EBF1: variants seen among roughly 807,000 people sequenced by gnomAD.
EBF1 encodes transcription factor COE1.
Under a neutral mutation model 68.4 loss-of-function variants are expected in EBF1, and 10 were observed. That is an observed-to-expected ratio of 0.15 (90% confidence interval 0.09 to 0.25). The LOEUF is 0.25. Ranked by LOEUF, EBF1 falls within the 10% of genes least tolerant of loss-of-function variation. The probability of loss-of-function intolerance (pLI) is 1.00; values close to 1 mark genes in which losing one functional copy is unlikely to be tolerated. For missense variants in EBF1, 509 were observed against 794.4 expected (o/e 0.64, Z 4.32); for synonymous variants, 298 against 299.8 (o/e 0.99, Z 0.06).
At chr5:158,817,378 G>A (rs978025280) in intron 8 of EBF1, among the ~76,000 whole-genome samples, 6 of 152,136 alleles carry the variant, frequency 3.9e-5, no homozygotes, top group African/African-American at 1.4e-4. Flanking sequence ...GAAGTGATTA[G>A]GTCATGGGGG....
At chr5:159,063,539 A>G (rs1776232280) in intron 6 of EBF1, among the ~76,000 whole-genome samples, 2 of 152,206 alleles carry the variant, frequency 1.3e-5, no homozygotes, top group Non-Finnish European at 2.9e-5. Context: ...GCAGAGATCA[A>G]CCCTGAGACA....
At chr5:159,007,337 T>C (rs1475002388) in intron 6 of EBF1, among the ~76,000 whole-genome samples, 3 of 152,182 alleles carry the variant, frequency 2.0e-5, no homozygotes, top group Non-Finnish European at 2.9e-5. Context: ...AAAATAAACA[T>C]GCTTGAGAAG....
At chr5:158,766,106 G>A (rs894761023) in intron 10 of EBF1, among the ~76,000 whole-genome samples, 1 of 152,184 alleles carries the variant, frequency 6.6e-6, no homozygotes, top group Non-Finnish European at 1.5e-5. Context: ...GCAGAAGTCA[G>A]TCAAGACAAA....
intron 8 of EBF1, among the ~76,000 whole-genome samples, chr5:158,807,670 C>T (rs756781753): frequency 1.3e-5 from 2 of 152,136 alleles, no homozygotes; most frequent in African/African-American, 2.4e-5. Context: ...CTGTCACTGA[C>T]TTACCAAACA....
chr5:158,729,559 T>C (rs1032728886), intron 11 of EBF1, among the ~76,000 whole-genome samples: 8 of 152,208 alleles, frequency 5.3e-5, no homozygotes, highest in Admixed American at 2.6e-4. Context: ...AGGAACCTAA[T>C]GGTAAATCTC....
At chr5:159,051,594 T>G (rs1773762468) in intron 6 of EBF1, among the ~76,000 whole-genome samples, 1 of 151,460 alleles carries the variant, frequency 6.6e-6, no homozygotes, top group Non-Finnish European at 1.5e-5. Flanking sequence ...CCGGCCCGGC[T>G]CGGTGCTCCG....
intron 7 of EBF1, among the ~76,000 whole-genome samples, chr5:158,823,888 C>G (rs1281901900): frequency 6.6e-6 from 1 of 151,890 alleles, no homozygotes; most frequent in East Asian, 1.9e-4. Context: ...TACCATCACC[C>G]CACCCCAAAA....
chr5:158,723,138 G>T (rs1418652348), intron 11 of EBF1, among the ~76,000 whole-genome samples: 3 of 152,162 alleles, frequency 2.0e-5, no homozygotes, highest in Non-Finnish European at 4.4e-5. Flanking sequence ...TGGTACCCAG[G>T]GTTTGTCTGC....
At chr5:158,843,332 T>G (rs530672915) in intron 6 of EBF1, among the ~76,000 whole-genome samples, 9 of 152,300 alleles carry the variant, frequency 5.9e-5, no homozygotes, top group African/African-American at 2.2e-4. Flanking sequence ...AAATGAATTT[T>G]GAAAGACAGG....
intron 8 of EBF1, among the ~76,000 whole-genome samples, chr5:158,818,485 C>A (rs1784191397): frequency 6.6e-6 from 1 of 152,140 alleles, no homozygotes; most frequent in African/African-American, 2.4e-5. Flanking sequence ...TGTGACACTG[C>A]AACCAAAAGG....
chr5:159,011,397 G>A (rs1199303801), intron 6 of EBF1, among the ~76,000 whole-genome samples: 2 of 152,190 alleles, frequency 1.3e-5, no homozygotes, highest in Non-Finnish European at 2.9e-5. Flanking sequence ...TTTGTTAGCT[G>A]GCTGCCGGAA....
chr5:158,996,759 T>C (rs1761494487), intron 6 of EBF1, among the ~76,000 whole-genome samples: 1 of 152,198 alleles, frequency 6.6e-6, no homozygotes, highest in Non-Finnish European at 1.5e-5. Flanking sequence ...CTCAAGCCCA[T>C]TCCTAATAAA....
At chr5:158,874,305 T>C (rs539301523) in intron 6 of EBF1, among the ~76,000 whole-genome samples, 2 of 152,274 alleles carry the variant, frequency 1.3e-5, no homozygotes, top group African/African-American at 2.4e-5. Flanking sequence ...ACAACTATAG[T>C]ATGTTCCTAT....
intron 6 of EBF1, among the ~76,000 whole-genome samples, chr5:158,940,753 T>TCCCCCCCC (rs1561573370): frequency 6.5e-4 from 5 of 7,654 alleles, no homozygotes; most frequent in Non-Finnish European, 9.7e-4. Flanking sequence ...TGCACCCCCT[T>TCCCCCCCC]CACCCCACCG....
At chr5:159,010,607 G>A (rs1393365943) in intron 6 of EBF1, among the ~76,000 whole-genome samples, 1 of 152,144 alleles carries the variant, frequency 6.6e-6, no homozygotes, top group African/African-American at 2.4e-5. Flanking sequence ...CGCCCTTTAA[G>A]AACTGTATTT....
At chr5:159,020,722 C>T (rs895265625) in intron 6 of EBF1, among the ~76,000 whole-genome samples, 2 of 152,170 alleles carry the variant, frequency 1.3e-5, no homozygotes, top group Non-Finnish European at 1.5e-5. Context: ...TTGTAAACTC[C>T]CTGAGGCAAG....
chr5:158,980,913 A>T (rs547401527), intron 6 of EBF1, among the ~76,000 whole-genome samples: 1 of 152,342 alleles, frequency 6.6e-6, no homozygotes, highest in South Asian at 2.1e-4. Flanking sequence ...AAAAGAAACT[A>T]GTAAGTTTCA....
At chr5:158,848,039 T>C (rs1475673115) in intron 6 of EBF1, among the ~76,000 whole-genome samples, 1 of 152,176 alleles carries the variant, frequency 6.6e-6, no homozygotes, top group Non-Finnish European at 1.5e-5. Context: ...ACTTAGCAGT[T>C]ACTACAGCAA....
chr5:158,736,535 G>A (rs978815451), intron 10 of EBF1, among the ~76,000 whole-genome samples: 3 of 152,130 alleles, frequency 2.0e-5, no homozygotes, highest in Non-Finnish European at 2.9e-5. Flanking sequence ...ATATTCTATT[G>A]CCATTTAATG....
Sources: allele counts gnomAD v4.1 joint callset (sites outside exome capture counted in the v4.1 genomes callset), GRCh38; gene constraint gnomAD v4.1.1; transcripts MANE v1.5; gene names NCBI Gene and HGNC (gene_info 2026-07-23, HGNC 2026-07-21).